The following ZWILCH variants were observed in gnomAD, a reference collection of about 807,000 sequenced individuals.
The protein encoded by ZWILCH is protein zwilch homolog.
In ZWILCH, 74 loss-of-function variants were observed where a neutral mutation model predicts 79.9. That is an observed-to-expected ratio of 0.93 (90% CI 0.77 to 1.12). The LOEUF is 1.12. Ranked by LOEUF, ZWILCH falls within the 50% of genes most tolerant of loss-of-function variation. The probability of loss-of-function intolerance (pLI) is 0.00; values close to 1 mark genes in which losing one functional copy is unlikely to be tolerated. For missense variants in ZWILCH, 694 were observed against 687.5 expected (o/e 1.01, Z -0.11); for synonymous variants, 241 against 228.2 (o/e 1.06, Z -0.51).
In ZWILCH at chr15:66,515,430, A is replaced by G. The variant is rs904101166; in HGVS notation, c.202-96A>G. ...TTAAGGGTATAAAAATAAGTACATT[A>G]TGTTCTACTTGTCATTATTCTGTAG... is the stretch of plus-strand genomic sequence containing the variant. On this transcript the variant is annotated intron_variant, in intron 3 of 18. Coordinates refer to ENST00000307897, the MANE Select transcript of ZWILCH (RefSeq NM_017975.5). The G allele has an allele frequency of 1.2e-4, 97 of 782,862 alleles. 1 individual carries two copies. The highest frequency in any genetic ancestry group is 9.4e-4 in the Admixed American group (35 of 37,188). 48.5% of individuals were successfully genotyped at this position (782,862 alleles called of 1,614,324 possible). A position where few individuals can be genotyped will look rare whatever the true frequency, so the allele number is the denominator to read the frequency against.
rs142630224 is a variant in ZWILCH at position 66,507,680 on chromosome 15, C to A, written c.54-1161C>A. 7.2e-3 allele frequency among the ~76,000 whole-genome samples: 1,091 copies of A among 152,322 alleles called. 6 individuals are homozygous for A. The highest frequency in any genetic ancestry group is 0.011 in the Non-Finnish European group (751 of 68,018). ...TGCTTTTGTTTGATATTCTCAGCATCTAGCAGGAGTGACTGGCCTCTATTA... is the reference window on the plus strand; with the variant it reads ...TGCTTTTGTTTGATATTCTCAGCATATAGCAGGAGTGACTGGCCTCTATTA... On this transcript the variant is annotated intron_variant, in intron 1 of 18. Transcript: ENST00000307897.
chr15:66,507,246 A>C (rs1317221168), intron 1 of ZWILCH, among the ~76,000 whole-genome samples: 1 of 152,200 alleles, frequency 6.6e-6, no homozygotes, highest in Non-Finnish European at 1.5e-5. Flanking sequence ...ACCTCAGATC[A>C]ATACCTGCAA....
intron 2 of ZWILCH, among the ~76,000 whole-genome samples, chr15:66,512,872 T>C (rs189907098): frequency 2.6e-5 from 4 of 152,350 alleles, no homozygotes; most frequent in African/African-American, 9.6e-5. Flanking sequence ...CTTGGCCCAC[T>C]GCAAGCTCCA....
At chr15:66,513,262 G>A (rs1894136114) in intron 2 of ZWILCH, among the ~76,000 whole-genome samples, 1 of 151,900 alleles carries the variant, frequency 6.6e-6, no homozygotes, top group Non-Finnish European at 1.5e-5. Flanking sequence ...ACTTCCAGTT[G>A]GAATGAGAAT....
intron 12 of ZWILCH, among the ~76,000 whole-genome samples, chr15:66,531,016 A>G (rs1431635388): frequency 6.6e-6 from 1 of 152,264 alleles, no homozygotes; most frequent in African/African-American, 2.4e-5. Flanking sequence ...TATATTGTAA[A>G]AAGACCTTGC....
chr15:66,543,439 A>G (rs1567053740), intron 17 of ZWILCH, among the ~76,000 whole-genome samples: 1 of 152,182 alleles, frequency 6.6e-6, no homozygotes, highest in Non-Finnish European at 1.5e-5. Context: ...CATTAGAATC[A>G]TCTGCAAAGC....
chr15:66,515,913 G>C (rs1291153492), intron 4 of ZWILCH, among the ~76,000 whole-genome samples: 1 of 152,124 alleles, frequency 6.6e-6, no homozygotes, highest in African/African-American at 2.4e-5. Flanking sequence ...TGTGTAATCT[G>C]GTTCCCCTCC....
chr15:66,510,037 G>A (rs1029678593), intron 2 of ZWILCH, among the ~76,000 whole-genome samples: 26 of 150,010 alleles, frequency 1.7e-4, no homozygotes, highest in Non-Finnish European at 3.0e-5. Context: ...AATTAGCTGG[G>A]CATGGTGGCG....
At chr15:66,545,473 T>C (rs972324191) in intron 17 of ZWILCH, among the ~76,000 whole-genome samples, 5 of 152,246 alleles carry the variant, frequency 3.3e-5, no homozygotes, top group African/African-American at 1.2e-4. Context: ...GAACACATCA[T>C]TTAATGTCTT....
At position 66,521,179 on chromosome 15, in the gene ZWILCH, C is replaced by G; in HGVS notation, c.721C>G (p.Pro241Ala). The change falls in exon 7 of 19, where the codon CCT (proline) becomes GCT (alanine). Residue 241 changes from proline to alanine, a missense_variant. Physicochemically the swap from Pro to Ala is conservative, Grantham distance 27 (BLOSUM62 -1). Coordinates refer to ENST00000307897, the MANE Select transcript of ZWILCH (RefSeq NM_017975.5). ...WSPVDEILQI[P>A]PLSSTATLNI... ...TCCTGTGGATGAGATTCTTCAAATCCCTCCACTCTCTTCAACTGCAACTCT... is the reference window on the plus strand; with the variant it reads ...TCCTGTGGATGAGATTCTTCAAATCGCTCCACTCTCTTCAACTGCAACTCT... 6.2e-7 allele frequency: 1 copy of G among 1,612,798 alleles called. No individual in the cohort carries two copies. The highest frequency in any genetic ancestry group is 1.1e-5 in the South Asian group (1 of 91,082).
rs760608164 is a variant in ZWILCH at position 66,532,293 on chromosome 15, C to T, written c.1202C>T (p.Ser401Phe). 1.2e-6 allele frequency: 2 copies of T among 1,609,620 alleles called. No homozygotes were observed. Among genetic ancestry groups the T allele is most frequent in the Admixed American group, 1.7e-5 (1 of 59,448 alleles). The stretch of plus-strand genomic sequence containing the variant: ...TTACTAAGTAAGCTCATTCATCAGT[C>T]TTATCATGGAACCATGGACACAGTT... ...NSLLSKLIHQ[S>F]YHGTMDTVSL... The change falls in exon 13 of 19, where the codon TCT becomes TTT. Residue 401 changes from serine (S) to phenylalanine (F), a missense_variant. Ser to Phe is a radical substitution (Grantham distance 155). Coordinates refer to ENST00000307897, the MANE Select transcript of ZWILCH (RefSeq NM_017975.5).
intron 14 of ZWILCH, among the ~76,000 whole-genome samples, chr15:66,534,574 A>G (rs1300473774): frequency 2.6e-5 from 4 of 152,372 alleles, no homozygotes; most frequent in East Asian, 1.9e-4. Context: ...CACCTAGGCT[A>G]TAAACCTTTA....
Position 66,527,840 on chromosome 15 carries a change from C to A in ZWILCH, c.914-17C>A. 1.3e-6 allele frequency: 2 copies of A among 1,591,722 alleles called. No individual in the cohort carries two copies. The highest frequency in any genetic ancestry group is 1.2e-5 in the South Asian group (1 of 86,564). On this transcript the variant is annotated splice_polypyrimidine_tract_variant and intron_variant, in intron 9 of 18. Transcript: ENST00000307897. The stretch of plus-strand genomic sequence containing the variant: ...AGCAGAAAAATCAAGAGCTAATAAA[C>A]TTTTGCCACTTTCTAGACTTAAATA...
chr15:66,535,271 GT>G (rs2140795415), intron 14 of ZWILCH, among the ~76,000 whole-genome samples: 1 of 152,278 alleles, frequency 6.6e-6, no homozygotes, highest in East Asian at 1.9e-4. Context: ...TTGAGGAATA[GT>G]TTTGTTCATA....
chr15:66,509,410 C>T (rs1003562075), intron 2 of ZWILCH, among the ~76,000 whole-genome samples: 1 of 152,118 alleles, frequency 6.6e-6, no homozygotes. Context: ...CCAGAATATC[C>T]TATAAATAAA....
chr15:66,520,222 G>A (rs1894443124), intron 5 of ZWILCH, among the ~76,000 whole-genome samples: 1 of 151,968 alleles, frequency 6.6e-6, no homozygotes, highest in African/African-American at 2.4e-5. Flanking sequence ...CTGGGCTCAG[G>A]CAATCCTCTC....
chr15:66,510,592 T>G (rs188268257), intron 2 of ZWILCH, among the ~76,000 whole-genome samples: 9 of 152,288 alleles, frequency 5.9e-5, no homozygotes, highest in African/African-American at 2.2e-4. Flanking sequence ...GATATCTGTA[T>G]TAGTTTCCTA....
intron 10 of ZWILCH, among the ~76,000 whole-genome samples, chr15:66,528,511 A>C (rs536550146): frequency 1.7e-3 from 258 of 152,220 alleles, no homozygotes; most frequent in Non-Finnish European, 2.8e-3. Flanking sequence ...TGGCTCTACT[A>C]TCATATATTA....
rs1238705109 is a variant in ZWILCH at position 66,520,603 on chromosome 15, T to C, written c.534T>C (p.Tyr178=). Residue 178 remains tyrosine, a synonymous_variant, in exon 6 of 19, where the codon TAT becomes TAC. Coordinates refer to ENST00000307897, the MANE Select transcript of ZWILCH (RefSeq NM_017975.5). ...YVVSCKADKN[Y]SVNLENLKNL... ...CATTTCCTATAGCTGATAAAAATTATTCTGTAAATCTTGAAAACCTAAAAA... is the reference window on the plus strand; with the variant it reads ...CATTTCCTATAGCTGATAAAAATTACTCTGTAAATCTTGAAAACCTAAAAA... The C allele has an allele frequency of 6.6e-7, 1 of 1,506,186 alleles. No homozygotes were observed. 93.3% of individuals were successfully genotyped at this position (1,506,186 alleles called of 1,614,324 possible). A position where few individuals can be genotyped will look rare whatever the true frequency, so the allele number is the denominator to read the frequency against.
Sources: allele counts gnomAD v4.1 joint callset (sites outside exome capture counted in the v4.1 genomes callset), GRCh38; gene constraint gnomAD v4.1.1; transcripts MANE v1.5; gene names NCBI Gene and HGNC (gene_info 2026-07-23, HGNC 2026-07-21).